The following RASA2 variants were observed in gnomAD, a reference collection of about 807,000 sequenced individuals.
RASA2 encodes RAS p21 protein activator 2.
Under a neutral mutation model 118.2 loss-of-function variants are expected in RASA2, and 155 were observed. The ratio of observed to expected loss-of-function variants is 1.31; its 90% confidence interval spans 1.15 to 1.50. RASA2 has a LOEUF of 1.50. Ranked by LOEUF, RASA2 falls within the 40% of genes most tolerant of loss-of-function variation. The pLI, the probability that RASA2 is intolerant of heterozygous loss-of-function variation, is 0.00. For synonymous variants in RASA2, 353 were observed against 349.1 expected (o/e 1.01, Z -0.12); for missense variants, 1,016 against 1,009.6 (o/e 1.01, Z -0.09).
At chr3:141,515,771 G>T (rs1332689666) in intron 2 of RASA2, among the ~76,000 whole-genome samples, 1 of 151,514 alleles carries the variant, frequency 6.6e-6, no homozygotes, top group Non-Finnish European at 1.5e-5. Context: ...GTGGTGGCAT[G>T]TGCCTGTAGT....
chr3:141,541,282 C>T (rs1240703002), intron 5 of RASA2, among the ~76,000 whole-genome samples: 9 of 152,076 alleles, frequency 5.9e-5, no homozygotes, highest in Admixed American at 5.9e-4. Context: ...CTATCATGTC[C>T]ACATATTGTA....
At position 141,529,605 on chromosome 3, in the gene RASA2, C is replaced by A. The variant is rs1054745981; in HGVS notation, c.356-103C>A. 1.9e-5 allele frequency: 13 copies of A among 700,504 alleles called. No homozygotes were observed. In the African/African-American group the frequency reaches 2.2e-4, roughly 12 times the overall value. The allele number at this position is 700,504 out of a possible 1,614,324, so 43.4% of individuals were successfully genotyped here. A position where few individuals can be genotyped will look rare whatever the true frequency, so the allele number is the denominator to read the frequency against. On this transcript the variant is annotated intron_variant, in intron 3 of 23. Coordinates refer to ENST00000286364, the MANE Select transcript of RASA2 (RefSeq NM_006506.5). ...GATTTTTATGTCAATAGGTACAAAT[C>A]ATTTTAAAATATTTTCTATAAAGTA...
intron 3 of RASA2, among the ~76,000 whole-genome samples, chr3:141,524,462 G>A (rs1341856426): frequency 1.3e-5 from 2 of 152,108 alleles, no homozygotes; most frequent in Non-Finnish European, 2.9e-5. Context: ...TCGAAACCTC[G>A]TACACTAAGG....
chr3:141,598,760 CA>C (rs1229793462), intron 19 of RASA2, among the ~76,000 whole-genome samples: 1 of 151,860 alleles, frequency 6.6e-6, no homozygotes, highest in Non-Finnish European at 1.5e-5. Context: ...AGTTCCCCCC[CA>C]AAAAAACCCT....
At position 141,512,270 on chromosome 3, in the gene RASA2, A is replaced by G. The variant is rs1403772716; in HGVS notation, c.241A>G (p.Lys81Glu). Reference sequence around the variant, plus strand: ...AGTTTATCGTACCCAAGTTGTGGAAAAATCTTTAAGGTTGGTAGAAAAAAT... The same window carrying G: ...AGTTTATCGTACCCAAGTTGTGGAAGAATCTTTAAGGTTGGTAGAAAAAAT... ...EEVYRTQVVE[K>E]SLSPFFSEEF... Residue 81 changes from lysine to glutamate, a missense_variant, in exon 2 of 24, where the codon AAA (lysine) becomes GAA (glutamate). By Grantham distance (56) the Lys-to-Glu change is moderately conservative. Transcript: ENST00000286364. 1.3e-6 allele frequency: 2 copies of G among 1,580,504 alleles called. No homozygotes were observed. The highest frequency in any genetic ancestry group is 1.7e-6 in the Non-Finnish European group (2 of 1,166,272).
intron 4 of RASA2, among the ~76,000 whole-genome samples, chr3:141,537,865 T>G (rs1266708709): frequency 6.6e-6 from 1 of 152,232 alleles, no homozygotes; most frequent in East Asian, 1.9e-4. Flanking sequence ...GTTTTTGATC[T>G]TCTGGCATAT....
intron 15 of RASA2, chr3:141,578,678 A>G (rs2083052541): frequency 6.6e-6 from 1 of 152,192 alleles, no homozygotes; most frequent in South Asian, 2.1e-4. Flanking sequence ...TTGTTACTAA[A>G]GCTGCACAGA....
At chr3:141,511,139 G>A (rs1466396716) in intron 1 of RASA2, among the ~76,000 whole-genome samples, 1 of 152,140 alleles carries the variant, frequency 6.6e-6, no homozygotes, top group Non-Finnish European at 1.5e-5. Flanking sequence ...GGGAGTTTGG[G>A]GAAATAGAGG....
At chr3:141,528,285 C>T (rs919532483) in intron 3 of RASA2, among the ~76,000 whole-genome samples, 6 of 151,812 alleles carry the variant, frequency 4.0e-5, no homozygotes, top group Non-Finnish European at 8.8e-5. Context: ...AGAAGCTTAT[C>T]AAAAACTGTA....
chr3:141,587,556 A>C (rs2083224033), intron 19 of RASA2, among the ~76,000 whole-genome samples: 1 of 152,128 alleles, frequency 6.6e-6, no homozygotes, highest in South Asian at 2.1e-4. Context: ...TACTAAAAGT[A>C]CAAAAAAATT....
chr3:141,582,825 A>G (rs2083136536), intron 17 of RASA2, among the ~76,000 whole-genome samples: 1 of 152,254 alleles, frequency 6.6e-6, no homozygotes, highest in African/African-American at 2.4e-5. Flanking sequence ...AGTGACATTT[A>G]CTATTGATGC....
chr3:141,506,924 A>T (rs1455101189), intron 1 of RASA2, among the ~76,000 whole-genome samples: 2 of 151,862 alleles, frequency 1.3e-5, no homozygotes, highest in East Asian at 3.8e-4. Flanking sequence ...TCAAAAAAAA[A>T]AAAAAAAAGA....
chr3:141,578,914 CAG>C (rs1209170089), intron 15 of RASA2: 1 of 152,146 alleles, frequency 6.6e-6, no homozygotes, highest in South Asian at 2.1e-4. Flanking sequence ...TCTTCAAAGA[CAG>C]AGAATTGTAG....
chr3:141,604,921 TTAAATAAATAAA>T (rs540314854), intron 19 of RASA2, among the ~76,000 whole-genome samples: 1 of 151,640 alleles, frequency 6.6e-6, no homozygotes, highest in East Asian at 1.9e-4. Flanking sequence ...TATACATATA[TTAAATAAATAAA>T]TAAATAAATT....
At chr3:141,611,909 T>A (rs1026439047) in intron 23 of RASA2, among the ~76,000 whole-genome samples, 1 of 152,296 alleles carries the variant, frequency 6.6e-6, no homozygotes, top group South Asian at 2.1e-4. Context: ...CCAGACATTC[T>A]TTCTTAAATA....
chr3:141,528,414 A>G (rs1560010453), intron 3 of RASA2, among the ~76,000 whole-genome samples: 1 of 151,998 alleles, frequency 6.6e-6, no homozygotes, highest in Non-Finnish European at 1.5e-5. Context: ...GAATCATTAT[A>G]TACGTTAGAG....
At chr3:141,583,685 A>AT (rs1359487957) in intron 17 of RASA2, among the ~76,000 whole-genome samples, 1 of 152,172 alleles carries the variant, frequency 6.6e-6, no homozygotes, top group Non-Finnish European at 1.5e-5. Context: ...AGAAGTAAAC[A>AT]TTCCATTTCA....
At chr3:141,561,240 G>T (rs974319660) in intron 9 of RASA2, among the ~76,000 whole-genome samples, 21 of 152,058 alleles carry the variant, frequency 1.4e-4, no homozygotes, top group African/African-American at 5.1e-4. Flanking sequence ...AAAATTATGT[G>T]CCAGACCACT....
At chr3:141,547,664 T>A (rs1165630537) in intron 5 of RASA2, among the ~76,000 whole-genome samples, 1 of 152,222 alleles carries the variant, frequency 6.6e-6, no homozygotes, top group East Asian at 1.9e-4. Context: ...TTTACTTCTT[T>A]CTTTCCAGTT....
Sources: gnomAD v4.1 joint callset for allele counts (sites outside exome capture counted in the v4.1 genomes callset) on GRCh38, gnomAD v4.1.1 for gene constraint, MANE v1.5 for transcripts, NCBI Gene and HGNC (gene_info 2026-07-23, HGNC 2026-07-21) for gene names.